Variants in ZNF619 observed in about 807,000 individuals in gnomAD.
The protein encoded by ZNF619 is zinc finger protein 619.
Under a neutral mutation model 14.2 loss-of-function variants are expected in ZNF619, and 9 were observed. The ratio of observed to expected loss-of-function variants is 0.64; its 90% CI spans 0.38 to 1.11. ZNF619 has a LOEUF of 1.11. Among genes scored for constraint, ZNF619 ranks in the 50% least tolerant of loss-of-function variants. The probability of loss-of-function intolerance (pLI) is 0.01; values close to 1 mark genes in which losing one functional copy is unlikely to be tolerated. For synonymous variants in ZNF619, 246 were observed against 252.8 expected, an observed-to-expected ratio of 0.97 and a Z score of 0.26; for missense variants, 659 against 680.1, an observed-to-expected ratio of 0.97 and a Z score of 0.34.
rs777053740 is a variant in ZNF619, at chr3:40,487,873, C to G, written c.1363C>G (p.Pro455Ala). ...QHQRVHTGEK[P>A]YECKECGKAF... ...TCAGCGAGTTCACACTGGGGAGAAA[C>G]CTTATGAGTGTAAGGAGTGCGGGAA... The change falls in exon 5 of 5, where the codon CCT (proline) becomes GCT (alanine). Residue 455 changes from proline (P) to alanine (A), a missense_variant. Transcript: ENST00000432264. 6.2e-7 allele frequency: 1 copy of G among 1,614,182 alleles called. No homozygotes were observed. Among genetic ancestry groups the G allele is most frequent in the Non-Finnish European group, 8.5e-7 (1 of 1,180,038 alleles).
At position 40,481,887 on chromosome 3, in the gene ZNF619, C is replaced by A; in HGVS notation, c.49C>A (p.Gln17Lys). ...GGGCTTGGGCAGGAACCTGTTGTTT[C>A]AGGAGCCAGTAACCTTTGAGGATGT... ...FQGLGRNLLF[Q>K]EPVTFEDVAV... Residue 17 changes from glutamine (Q) to lysine (K), a missense_variant, in exon 3 of 5, where the codon CAG (glutamine) becomes AAG (lysine). Physicochemically the swap from Gln to Lys is moderately conservative, Grantham distance 53. Coordinates refer to ENST00000432264, the MANE Select transcript of ZNF619 (RefSeq NM_001145093.4). 1 of 1,611,774 alleles carries A rather than the reference C, an allele frequency of 6.2e-7. No homozygotes were observed. The highest frequency in any genetic ancestry group is 1.7e-5 in the Admixed American group (1 of 59,580).
In ZNF619 at chr3:40,487,704, A is replaced by G. The variant is rs1272465196; in HGVS notation, c.1194A>G (p.Gln398=). Residue 398 remains glutamine (Q), a synonymous_variant, in exon 5 of 5, where the codon CAA becomes CAG. Transcript: ENST00000432264. Reference sequence around the variant, plus strand: ...ACCAGAGGTTCCACACTGGGGAACAACTCTACAAATGTAATGAATGTTGGA... The same window carrying G: ...ACCAGAGGTTCCACACTGGGGAACAGCTCTACAAATGTAATGAATGTTGGA... ...LQHQRFHTGE[Q]LYKCNECWKT... 1.9e-6 allele frequency: 3 copies of G among 1,613,886 alleles called. No homozygotes were observed. Among genetic ancestry groups the G allele is most frequent in the Admixed American group, 1.7e-5 (1 of 59,980 alleles).
chr3:40,487,617 GA>G lies in ZNF619; in HGVS notation c.1110del (p.Lys370AsnfsTer47). ...IQHQRIHTGE[K>X]PYECKECGKA... ...AGCATCAGAGAATCCACACTGGGGA[GA>G]AACCTTATGAATGTAAAGAGTGTGG... On this transcript the variant is annotated frameshift_variant, in exon 5 of 5. Coordinates refer to ENST00000432264, the MANE Select transcript of ZNF619 (RefSeq NM_001145093.4). LOFTEE classifies it low-confidence loss of function (END_TRUNC). 1 of 1,614,152 alleles carries G rather than the reference GA, an allele frequency of 6.2e-7. No individual in the cohort carries two copies. Among genetic ancestry groups the G allele is most frequent in the Non-Finnish European group, 8.5e-7 (1 of 1,180,010 alleles).
intron 4 of ZNF619, among the ~76,000 whole-genome samples, 166 bp from the exon 5 acceptor site, chr3:40,486,640 G>A (rs370112632): frequency 1.6e-4 from 24 of 151,714 alleles, no homozygotes; most frequent in East Asian, 1.4e-3. Flanking sequence ...TGCGGAGGTT[G>A]TGGTGAGCCG....
chr3:40,477,692 C>T, intron 1 of ZNF619: 1 of 424,084 alleles, frequency 2.4e-6, no homozygotes, highest in African/African-American at 2.0e-5. Flanking sequence ...CAGTTCTTGA[C>T]TCTTACTTTA....
rs962173694 is a variant in ZNF619 at position 40,481,881 on chromosome 3, T to C, written c.43T>C (p.Leu15=). 8.1e-6 allele frequency: 13 copies of C among 1,610,922 alleles called. No homozygotes were observed. Among genetic ancestry groups the C allele is most frequent in the Middle Eastern group, 1.7e-4 (1 of 6,052 alleles). The change falls in exon 3 of 5, where the codon TTG becomes CTG. Residue 15 remains leucine, a synonymous_variant. Transcript: ENST00000432264. Reference sequence around the variant, plus strand: ...TGTGCAGGGCTTGGGCAGGAACCTGTTGTTTCAGGAGCCAGTAACCTTTGA... The same window carrying C: ...TGTGCAGGGCTTGGGCAGGAACCTGCTGTTTCAGGAGCCAGTAACCTTTGA... ...VWFQGLGRNL[L]FQEPVTFEDV...
In ZNF619 at chr3:40,487,485, C is replaced by T. The variant is rs766867565; in HGVS notation, c.975C>T (p.Phe325=). The T allele has an allele frequency of 3.7e-6, 6 of 1,614,146 alleles. No individual in the cohort carries two copies. In the South Asian group the frequency reaches 6.6e-5, roughly 18 times the overall value. ...AATGTAAGGAATGTGGGAAAGCCTT[C>T]AGTTGTAGCTATGACTGCATCATCC... ...PFKCKECGKA[F]SCSYDCIIHE... Residue 325 remains phenylalanine (F), a synonymous_variant, in exon 5 of 5, where the codon TTC becomes TTT. Coordinates refer to ENST00000432264, the MANE Select transcript of ZNF619 (RefSeq NM_001145093.4).
At position 40,488,276 on chromosome 3, in the gene ZNF619, A is replaced by T; in HGVS notation, c.*35A>T. 9.6e-7 allele frequency: 1 copy of T among 1,036,436 alleles called. No individual in the cohort carries two copies. The highest frequency in any genetic ancestry group is 1.5e-6 in the Non-Finnish European group (1 of 685,088). 64.2% of individuals were successfully genotyped at this position (1,036,436 alleles called of 1,614,324 possible). On this transcript the variant is annotated 3_prime_UTR_variant, in exon 5 of 5. Transcript: ENST00000432264. The stretch of plus-strand genomic sequence containing the variant: ...CGTTCTCAAAATCCTTTGCACCTCA[A>T]GTTAGGGATTCCACTGGTCTCCTGA...
chr3:40,477,971 T>C lies in ZNF619; in HGVS notation c.-9T>C, dbSNP rs773339406. On this transcript the variant is annotated 5_prime_UTR_variant, in exon 2 of 5. Transcript: ENST00000432264. The stretch of plus-strand genomic sequence containing the variant: ...AGAGGGCAGTGCATGAAGCCAGGGG[T>C]CATCAGCCATGCTCCAGACAGTGTG... 8.4e-5 allele frequency: 131 copies of C among 1,554,260 alleles called. No individual in the cohort carries two copies. Among genetic ancestry groups the C allele is most frequent in the Non-Finnish European group, 6.9e-5 (79 of 1,148,108 alleles).
rs369484928 is a variant in ZNF619, at chr3:40,477,964, C to T, written c.-16C>T. On this transcript the variant is annotated 5_prime_UTR_variant, in exon 2 of 5. Transcript: ENST00000432264. ...CAAACCTAGAGGGCAGTGCATGAAG[C>T]CAGGGGTCATCAGCCATGCTCCAGA... 127 of 1,554,282 alleles carry T rather than the reference C, an allele frequency of 8.2e-5. No homozygotes were observed. Among genetic ancestry groups the T allele is most frequent in the Non-Finnish European group, 1.1e-4 (126 of 1,148,094 alleles).
At chr3:40,479,100 C>G (rs548144369) in intron 2 of ZNF619, among the ~76,000 whole-genome samples, 1 of 152,302 alleles carries the variant, frequency 6.6e-6, no homozygotes, top group African/African-American at 2.4e-5. Context: ...TCTTTCTGCT[C>G]TACCATCCTA....
intron 2 of ZNF619, among the ~76,000 whole-genome samples, chr3:40,479,354 T>C (rs996980195): frequency 6.6e-6 from 1 of 152,070 alleles, no homozygotes; most frequent in Admixed American, 6.6e-5. Context: ...AGAAAGGGGG[T>C]ACACACACAC....
chr3:40,486,723 G>A (rs1365619296), intron 4 of ZNF619, 83 bp from the exon 5 acceptor site: 26 of 1,116,108 alleles, frequency 2.3e-5, no homozygotes, highest in Non-Finnish European at 3.3e-5. Context: ...AAATTCATGT[G>A]TCTAGGGCAA....
chr3:40,478,509 CAT>C (rs576872853), intron 2 of ZNF619, among the ~76,000 whole-genome samples: 16 of 152,238 alleles, frequency 1.1e-4, no homozygotes, highest in Middle Eastern at 3.4e-3. Context: ...GAACTGGAAA[CAT>C]GTGGAAAATG....
rs1456648656 is a variant in ZNF619 at position 40,481,991 on chromosome 3, G to T, written c.153G>T (p.Glu51Asp). ...QRALYREVMLENYANVTSLSA... is the reference protein window; with the variant it reads ...QRALYREVMLDNYANVTSLSA... ...CCCTATACAGGGAGGTGATGCTGGA[G>T]AATTATGCAAATGTGACTTCCTTGT... The change falls in exon 3 of 5, where the codon GAG becomes GAT. Residue 51 changes from glutamate to aspartate, a missense_variant. Glu to Asp is a conservative substitution (Grantham distance 45). Coordinates refer to ENST00000432264, the MANE Select transcript of ZNF619 (RefSeq NM_001145093.4). 1 of 1,603,354 alleles carries T rather than the reference G, an allele frequency of 6.2e-7. No individual in the cohort carries two copies. The highest frequency in any genetic ancestry group is 8.5e-7 in the Non-Finnish European group (1 of 1,176,664).
At chr3:40,484,052 A>G (rs1697499300) in intron 4 of ZNF619, among the ~76,000 whole-genome samples, 1 of 152,152 alleles carries the variant, frequency 6.6e-6, no homozygotes, top group East Asian at 1.9e-4. Context: ...CAGCCTCCCA[A>G]GTAGCTGGGA....
Position 40,487,424 on chromosome 3 carries a change from G to A in ZNF619, c.914G>A (p.Arg305Gln), listed in dbSNP as rs374238547. 2.2e-5 allele frequency: 36 copies of A among 1,613,986 alleles called. No individual in the cohort carries two copies. The highest frequency in any genetic ancestry group is 6.7e-5 in the African/African-American group (5 of 74,892). Residue 305 changes from arginine to glutamine, a missense_variant, in exon 5 of 5, where the codon CGG becomes CAG. Transcript: ENST00000432264. ...KTFSYNSKLI[R>Q]HQRIHTGEKP... ...TTCAGTTATAATTCAAAACTGATTC[G>A]GCATCAGAGAATCCATACTGGGGAG...
Position 40,488,298 on chromosome 3 carries a change from C to T in ZNF619, c.*57C>T, listed in dbSNP as rs1178402999. On this transcript the variant is annotated 3_prime_UTR_variant, in exon 5 of 5. Transcript: ENST00000432264. ...TCAAGTTAGGGATTCCACTGGTCTC[C>T]TGATTGTGTCTATTGATATTCCTCT... 1 of 823,308 alleles carries T rather than the reference C, an allele frequency of 1.2e-6. No homozygotes were observed. The highest frequency in any genetic ancestry group is 2.0e-6 in the Non-Finnish European group (1 of 497,032). 51.0% of individuals were successfully genotyped at this position (823,308 alleles called of 1,614,324 possible).
chr3:40,484,832 A>G (rs1281346518), intron 4 of ZNF619, among the ~76,000 whole-genome samples: 3 of 152,254 alleles, frequency 2.0e-5, no homozygotes, highest in Non-Finnish European at 4.4e-5. Flanking sequence ...TGTAGTTTAT[A>G]GATTAGTAAA....
Sources: gnomAD v4.1 joint callset for allele counts (sites outside exome capture counted in the v4.1 genomes callset) on GRCh38, gnomAD v4.1.1 for gene constraint, MANE v1.5 for transcripts, NCBI Gene and HGNC (gene_info 2026-07-23, HGNC 2026-07-21) for gene names.